Variants in KCNH5 observed in about 807,000 individuals in gnomAD.
KCNH5 encodes the protein voltage-gated delayed rectifier potassium channel KCNH5.
Under a neutral mutation model 96.1 loss-of-function variants are expected in KCNH5, and 46 were observed. That is an observed-to-expected ratio of 0.48 (90% CI 0.38 to 0.61). KCNH5 has a LOEUF of 0.61. Ranked by LOEUF, KCNH5 falls within the 20% of genes least tolerant of loss-of-function variation. The pLI is 0.00. For missense variants in KCNH5, 907 were observed against 1,225.8 expected (o/e 0.74, Z 3.88); for synonymous variants, 439 against 449.8 (o/e 0.98, Z 0.30).
intron 4 of KCNH5, among the ~76,000 whole-genome samples, chr14:62,999,006 G>T (rs1482963779): frequency 1.3e-5 from 2 of 152,156 alleles, no homozygotes; most frequent in Non-Finnish European, 2.9e-5. Context: ...ACGTGTGCAT[G>T]TGTCTTTACA....
chr14:63,016,850 G>A lies in KCNH5; in HGVS notation c.178C>T (p.Gln60Ter). The A allele has an allele frequency of 6.2e-7, 1 of 1,610,450 alleles. No homozygotes were observed. ...ACCTACCTGCAAGTGCTGCTTTTCT[G>A]CATGACGTCAGCTCGATGATATCCA... ...LSGYHRADVM[Q>*]KSSTCSFMYG... Residue 60 changes from glutamine (Q) to a stop codon, truncating the protein, a stop_gained, in exon 2 of 11, where the codon CAG (glutamine) becomes TAG (stop). Transcript: ENST00000322893. LOFTEE classifies it high-confidence loss of function.
chr14:62,716,585 T>C (rs905725068), intron 10 of KCNH5, among the ~76,000 whole-genome samples: 11 of 152,288 alleles, frequency 7.2e-5, no homozygotes, highest in African/African-American at 2.6e-4. Context: ...GAACTCCTAC[T>C]TGTCCTGTGA....
intron 10 of KCNH5, among the ~76,000 whole-genome samples, chr14:62,763,225 T>C (rs928154745): frequency 1.3e-5 from 2 of 152,034 alleles, no homozygotes; most frequent in African/African-American, 4.8e-5. Context: ...AAAATAGAAA[T>C]TAATACTAAG....
At chr14:62,882,749 T>TG (rs1888519307) in intron 7 of KCNH5, among the ~76,000 whole-genome samples, 2 of 152,202 alleles carry the variant, frequency 1.3e-5, no homozygotes. Context: ...GGGTAGATTT[T>TG]AATTGAGGAA....
chr14:62,742,946 T>A (rs1391883160), intron 10 of KCNH5, among the ~76,000 whole-genome samples: 1 of 152,152 alleles, frequency 6.6e-6, no homozygotes, highest in Non-Finnish European at 1.5e-5. Flanking sequence ...ACACAGCAGT[T>A]GGAAAGCCAC....
chr14:62,933,203 T>C (rs1889613370), intron 7 of KCNH5, among the ~76,000 whole-genome samples: 1 of 151,826 alleles, frequency 6.6e-6, no homozygotes, highest in Admixed American at 6.6e-5. Context: ...AGTTACAGAA[T>C]GGAAGAGAAT....
At chr14:62,803,364 G>A (rs1886703906) in intron 8 of KCNH5, among the ~76,000 whole-genome samples, 1 of 152,110 alleles carries the variant, frequency 6.6e-6, no homozygotes, top group Admixed American at 6.6e-5. Context: ...TTGACATACT[G>A]GCACTGGCAG....
chr14:63,003,624 A>ATAT lies in KCNH5; in HGVS notation c.305-2166_305-2165insATA, dbSNP rs1491457497. Among the ~76,000 whole-genome samples, 196 of 92,426 alleles carry ATAT rather than the reference A, an allele frequency of 2.1e-3. 2 individuals are homozygous for ATAT. Among genetic ancestry groups the ATAT allele is most frequent in the African/African-American group, 6.6e-3 (138 of 20,950 alleles). The allele number at this position is 92,426 out of a possible 152,430, so 60.6% of individuals were successfully genotyped here. A position where few individuals can be genotyped will look rare whatever the true frequency, so the allele number is the denominator to read the frequency against. ...TATTTATATTTATATATATATATAT[A>ATAT]TTTTTTTTTTTTTGAGACGGAGTCT... On this transcript the variant is annotated intron_variant, in intron 3 of 10. Transcript: ENST00000322893.
chr14:62,806,122 A>T (rs888569177), intron 8 of KCNH5, among the ~76,000 whole-genome samples: 35 of 152,148 alleles, frequency 2.3e-4, no homozygotes, highest in African/African-American at 7.5e-4. Context: ...CTACACTCCC[A>T]TCAGCGCCAT....
rs187862192 is a variant in KCNH5 at position 62,939,465 on chromosome 14, A to G, written c.1369+10668T>C. ...CCACCTAATGAACATTTCCATCAGA[A>G]TAACCTGCAGGAAAAAGAACCACTT... On this transcript the variant is annotated intron_variant, in intron 7 of 10. Coordinates refer to ENST00000322893, the MANE Select transcript of KCNH5 (RefSeq NM_139318.5). Among the ~76,000 whole-genome samples the G allele has an allele frequency of 7.2e-5, 11 of 152,322 alleles. No individual in the cohort carries two copies. In the East Asian group the frequency reaches 7.7e-4, roughly 11 times the overall value.
At chr14:62,746,495 C>T (rs955477655) in intron 10 of KCNH5, among the ~76,000 whole-genome samples, 1 of 152,226 alleles carries the variant, frequency 6.6e-6, no homozygotes, top group African/African-American at 2.4e-5. Flanking sequence ...AAAAATACCT[C>T]GTGCCCAGAT....
At chr14:62,773,294 G>T (rs926726802) in intron 10 of KCNH5, among the ~76,000 whole-genome samples, 3 of 152,156 alleles carry the variant, frequency 2.0e-5, no homozygotes, top group African/African-American at 4.8e-5. Context: ...ACGCATCCTT[G>T]TTCTAGATTA....
At chr14:62,825,251 T>C (rs1023078969) in intron 8 of KCNH5, among the ~76,000 whole-genome samples, 2 of 152,134 alleles carry the variant, frequency 1.3e-5, no homozygotes, top group African/African-American at 4.8e-5. Context: ...ACTGTGCATA[T>C]ATGTATATAT....
chr14:62,906,082 T>C (rs1352638642), intron 7 of KCNH5, among the ~76,000 whole-genome samples: 1 of 152,240 alleles, frequency 6.6e-6, no homozygotes, highest in Non-Finnish European at 1.5e-5. Flanking sequence ...TGCATAGGGT[T>C]TTCTCAGCAT....
In KCNH5 at chr14:62,787,361, G is replaced by A. The variant is rs567243832; in HGVS notation, c.1823-7437C>T. On this transcript the variant is annotated intron_variant, in intron 9 of 10. Coordinates refer to ENST00000322893, the MANE Select transcript of KCNH5 (RefSeq NM_139318.5). ...CTCCAATTCTGTAAAGGCTAAGAGA[G>A]GGGAGGAAGCTGCAGAAGAAAAGTT... Among the ~76,000 whole-genome samples the A allele has an allele frequency of 5.3e-5, 8 of 152,188 alleles. No individual in the cohort carries two copies. In the South Asian group the frequency reaches 1.2e-3, roughly 24 times the overall value.
chr14:62,891,346 G>A (rs988213181), intron 7 of KCNH5, among the ~76,000 whole-genome samples: 1 of 152,164 alleles, frequency 6.6e-6, no homozygotes, highest in Non-Finnish European at 1.5e-5. Flanking sequence ...CTAAGTAGGA[G>A]CTAAATGATG....
At chr14:62,990,130 T>C (rs554453533) in intron 4 of KCNH5, among the ~76,000 whole-genome samples, 70 of 151,456 alleles carry the variant, frequency 4.6e-4, no homozygotes, top group Admixed American at 9.9e-4. Context: ...GAAAACATTT[T>C]GAAAAAAAAA....
At chr14:62,985,738 A>C (rs1416488499) in intron 5 of KCNH5, among the ~76,000 whole-genome samples, 1 of 152,176 alleles carries the variant, frequency 6.6e-6, no homozygotes, top group African/African-American at 2.4e-5. Flanking sequence ...ATAACTGTGA[A>C]GATGACACTG....
chr14:63,042,815 G>A (rs1891851108), intron 1 of KCNH5, among the ~76,000 whole-genome samples: 1 of 152,104 alleles, frequency 6.6e-6, no homozygotes, highest in Non-Finnish European at 1.5e-5. Flanking sequence ...CTGAGGTTCT[G>A]CCTATAAAAG....
Sources: gnomAD v4.1 joint callset for allele counts (sites outside exome capture counted in the v4.1 genomes callset) on GRCh38, gnomAD v4.1.1 for gene constraint, MANE v1.5 for transcripts, NCBI Gene and HGNC (gene_info 2026-07-23, HGNC 2026-07-21) for gene names.